The following ST8SIA4 variants were observed in gnomAD, a reference collection of about 807,000 sequenced individuals.
The protein encoded by ST8SIA4 is CMP-N-acetylneuraminate-poly-alpha-2,8-sialyltransferase.
In ST8SIA4, 15 loss-of-function variants were observed where a neutral mutation model predicts 33.9. That is an observed-to-expected ratio of 0.44 (90% CI 0.30 to 0.68). ST8SIA4 has a LOEUF of 0.68. Among genes scored for constraint, ST8SIA4 ranks in the 30% least tolerant of loss-of-function variants. ST8SIA4 has a pLI of 0.10. For missense variants in ST8SIA4, 321 were observed against 428.0 expected, an observed-to-expected ratio of 0.75 and a Z score of 2.21; for synonymous variants, 171 against 151.2, an observed-to-expected ratio of 1.13 and a Z score of -0.96.
chr5:100,814,162 C>T (rs1000606871), intron 4 of ST8SIA4, among the ~76,000 whole-genome samples: 2 of 152,006 alleles, frequency 1.3e-5, no homozygotes, highest in African/African-American at 2.4e-5. Context: ...AAATTATTGG[C>T]TTTAAAATGG....
At chr5:100,898,285 C>T (rs978704758) in intron 1 of ST8SIA4, among the ~76,000 whole-genome samples, 1 of 152,052 alleles carries the variant, frequency 6.6e-6, no homozygotes, top group African/African-American at 2.4e-5. Flanking sequence ...ATCACAAGTC[C>T]CTGTCTCTAA....
chr5:100,831,784 G>A (rs1254170060), intron 4 of ST8SIA4, among the ~76,000 whole-genome samples: 1 of 151,960 alleles, frequency 6.6e-6, no homozygotes, highest in South Asian at 2.1e-4. Flanking sequence ...TGAGGGTCAG[G>A]GGGCTCAAAA....
intron 1 of ST8SIA4, among the ~76,000 whole-genome samples, chr5:100,898,969 T>A (rs1024320906): frequency 2.0e-5 from 3 of 152,198 alleles, no homozygotes; most frequent in African/African-American, 7.2e-5. Flanking sequence ...AAGATGGTCA[T>A]CTATGTGATA....
intron 1 of ST8SIA4, chr5:100,900,350 C>A (rs894041935): frequency 2.0e-5 from 9 of 450,760 alleles, no homozygotes; most frequent in African/African-American, 1.0e-4. Flanking sequence ...TGGAGCCGAA[C>A]CTCCATTCCA....
intron 3 of ST8SIA4, among the ~76,000 whole-genome samples, chr5:100,870,973 C>T: frequency 6.6e-6 from 1 of 151,946 alleles, no homozygotes; most frequent in East Asian, 1.9e-4. Context: ...GTTACTATTC[C>T]TAAACTATAA....
At chr5:100,851,949 CATT>C (rs1288875953) in intron 4 of ST8SIA4, among the ~76,000 whole-genome samples, 1 of 151,560 alleles carries the variant, frequency 6.6e-6, no homozygotes, top group East Asian at 1.9e-4. Context: ...ATAAAACTGT[CATT>C]AATTTAAACA....
chr5:100,838,969 C>T (rs972420494), intron 4 of ST8SIA4, among the ~76,000 whole-genome samples: 2 of 151,876 alleles, frequency 1.3e-5, no homozygotes, highest in African/African-American at 4.8e-5. Context: ...AGTGACAAAA[C>T]TTGCACTTAA....
At chr5:100,852,319 G>T (rs370903920) in intron 4 of ST8SIA4, among the ~76,000 whole-genome samples, 2 of 150,626 alleles carry the variant, frequency 1.3e-5, no homozygotes, top group African/African-American at 4.9e-5. Context: ...GCGGGGTTTC[G>T]CCATGTTGGC....
At chr5:100,851,764 T>C (rs976840448) in intron 4 of ST8SIA4, among the ~76,000 whole-genome samples, 6 of 152,074 alleles carry the variant, frequency 3.9e-5, no homozygotes, top group Non-Finnish European at 5.9e-5. Flanking sequence ...ATGTTTGTTT[T>C]TTTCCCATAT....
intron 4 of ST8SIA4, among the ~76,000 whole-genome samples, chr5:100,821,715 C>T (rs774071862): frequency 2.3e-4 from 35 of 152,072 alleles, no homozygotes; most frequent in Non-Finnish European, 5.0e-4. Flanking sequence ...TTCTCAAATC[C>T]CAGCAAATGA....
intron 3 of ST8SIA4, among the ~76,000 whole-genome samples, chr5:100,859,374 G>T (rs546301202): frequency 6.6e-6 from 1 of 152,114 alleles, no homozygotes; most frequent in Non-Finnish European, 1.5e-5. Context: ...GATGGACTTT[G>T]GTGAGTCAAA....
intron 4 of ST8SIA4, among the ~76,000 whole-genome samples, chr5:100,850,783 G>GTATATA (rs768091551): frequency 1.6e-5 from 2 of 123,672 alleles, no homozygotes; most frequent in African/African-American, 5.3e-5. Context: ...GTGTAGATGT[G>GTATATA]TATATATATA....
In ST8SIA4 at chr5:100,832,105, C is replaced by G. The variant is rs185463069; in HGVS notation, c.798-19976G>C. 5.7e-3 allele frequency among the ~76,000 whole-genome samples: 866 copies of G among 152,236 alleles called. 4 individuals carry two copies. The highest frequency in any genetic ancestry group is 8.6e-3 in the Non-Finnish European group (583 of 67,996). ...AGATACTAAATATCAATAACAAACA[C>G]TCCATATTTGGATGGATTAAGTGTG... On this transcript the variant is annotated intron_variant, in intron 4 of 4. Transcript: ENST00000231461.
intron 3 of ST8SIA4, among the ~76,000 whole-genome samples, chr5:100,882,217 T>C (rs894266494): frequency 1.3e-5 from 2 of 152,196 alleles, no homozygotes; most frequent in South Asian, 4.1e-4. Flanking sequence ...TGAGGTGGTC[T>C]CAGATGGAGA....
At chr5:100,831,283 A>T (rs746547003) in intron 4 of ST8SIA4, among the ~76,000 whole-genome samples, 1 of 152,206 alleles carries the variant, frequency 6.6e-6, no homozygotes. Context: ...CCCTGGGGTG[A>T]CTGACAGTCT....
chr5:100,853,136 T>C (rs955987769), intron 4 of ST8SIA4, among the ~76,000 whole-genome samples: 1 of 152,202 alleles, frequency 6.6e-6, no homozygotes, highest in Non-Finnish European at 1.5e-5. Context: ...ACTTAAAGAA[T>C]AGTTCTTTGG....
At chr5:100,834,732 G>C (rs1751330245) in intron 4 of ST8SIA4, among the ~76,000 whole-genome samples, 1 of 152,032 alleles carries the variant, frequency 6.6e-6, no homozygotes, top group Admixed American at 6.6e-5. Flanking sequence ...TTGTTTAAAA[G>C]TGTGTACCAT....
chr5:100,898,203 G>T (rs1752821320), intron 1 of ST8SIA4, among the ~76,000 whole-genome samples: 1 of 152,100 alleles, frequency 6.6e-6, no homozygotes, highest in South Asian at 2.1e-4. Flanking sequence ...GGGTATGGTT[G>T]GCAGTGCCTA....
At chr5:100,891,933 CT>C (rs1175979797) in intron 2 of ST8SIA4, among the ~76,000 whole-genome samples, 1 of 151,848 alleles carries the variant, frequency 6.6e-6, no homozygotes, top group East Asian at 1.9e-4. Context: ...TAAAGTAAAT[CT>C]ATGTATGCAA....
Sources: gnomAD v4.1 joint callset for allele counts (sites outside exome capture counted in the v4.1 genomes callset) on GRCh38, gnomAD v4.1.1 for gene constraint, MANE v1.5 for transcripts, NCBI Gene and HGNC (gene_info 2026-07-23, HGNC 2026-07-21) for gene names.